Variants in GADL1 observed in about 807,000 individuals in gnomAD.
GADL1 encodes the protein acidic amino acid decarboxylase GADL1.
A neutral mutation model predicts 69.5 loss-of-function variants in GADL1; 71 were observed. The observed-to-expected ratio is 1.02, with a 90% confidence interval of 0.84 to 1.25. GADL1 has a LOEUF of 1.25. GADL1 is among the 50% of genes most tolerant of loss of function. GADL1 has a pLI of 0.00. For synonymous variants in GADL1, 254 were observed against 214.4 expected, an observed-to-expected ratio of 1.18 and a Z score of -1.62; for missense variants, 737 against 631.8, an observed-to-expected ratio of 1.17 and a Z score of -1.79.
At chr3:30,850,156 T>C (rs1162186921) in intron 5 of GADL1, 45 bp from the exon 6 acceptor site, 3 of 1,054,306 alleles carry the variant, frequency 2.8e-6, no homozygotes, top group Admixed American at 1.7e-5. Context: ...CATGAAGTTA[T>C]AGCTCGCAAA....
chr3:30,823,451 CTA>C (rs1239097758), intron 11 of GADL1, among the ~76,000 whole-genome samples: 3 of 151,966 alleles, frequency 2.0e-5, no homozygotes, highest in Non-Finnish European at 4.4e-5. Context: ...GAGGTACAGG[CTA>C]TACCCTGAAG....
rs34788058 is a variant in GADL1 at position 30,805,734 on chromosome 3, CTTTTT to C, written c.1051-4651_1051-4647del. On this transcript the variant is annotated intron_variant, in intron 11 of 14. Transcript: ENST00000282538. ...ATTCTGTGCACCAGCAGTCCCCAGC[CTTTTT>C]TTTTTTTTTTTTTTTTTTTGGGCAC... Among the ~76,000 whole-genome samples, 125 of 66,094 alleles carry C rather than the reference CTTTTT, an allele frequency of 1.9e-3. 1 individual carries two copies. Among genetic ancestry groups the C allele is most frequent in the Middle Eastern group, 0.013 (1 of 76 alleles). The allele number at this position is 66,094 out of a possible 152,430, so 43.4% of individuals were successfully genotyped here.
chr3:30,839,088 G>A lies in GADL1; in HGVS notation c.812C>T (p.Ala271Val), dbSNP rs918735464. 3.7e-6 allele frequency: 6 copies of A among 1,601,132 alleles called. No individual in the cohort carries two copies. In the African/African-American group the frequency reaches 4.0e-5, roughly 11 times the overall value. The change falls in exon 9 of 15, where the codon GCC becomes GTC. Residue 271 changes from alanine (A) to valine (V), a missense_variant. Transcript: ENST00000282538. ...KEGAAPFLVC[A>V]TSGTTVLGAF... ...TCCCAACACAGTTGTACCAGAAGTGGCACAGACAAGAAACGGTGCTGCCCC... is the reference window on the plus strand; with the variant it reads ...TCCCAACACAGTTGTACCAGAAGTGACACAGACAAGAAACGGTGCTGCCCC...
chr3:30,890,119 G>T (rs1033453957), intron 1 of GADL1, among the ~76,000 whole-genome samples: 6 of 152,068 alleles, frequency 3.9e-5, no homozygotes, highest in African/African-American at 1.4e-4. Context: ...TATGTAAATG[G>T]TTACTAATTT....
At chr3:30,819,933 C>A (rs72849863) in intron 11 of GADL1, among the ~76,000 whole-genome samples, 1 of 151,750 alleles carries the variant, frequency 6.6e-6, no homozygotes, top group Non-Finnish European at 1.5e-5. Flanking sequence ...GAATTATCTA[C>A]CCCAAAATTT....
chr3:30,741,139 TG>T (rs1695619939), intron 14 of GADL1, among the ~76,000 whole-genome samples: 1 of 89,462 alleles, frequency 1.1e-5, no homozygotes, highest in Non-Finnish European at 1.9e-5. Flanking sequence ...TATATATATA[TG>T]TGTGAGATAG....
intron 3 of GADL1, among the ~76,000 whole-genome samples, chr3:30,855,773 G>A (rs896387152): frequency 6.6e-6 from 1 of 151,702 alleles, no homozygotes; most frequent in Non-Finnish European, 1.5e-5. Flanking sequence ...GAGTATTTGG[G>A]AATCATTTAA....
At chr3:30,811,385 C>T (rs1237691583) in intron 11 of GADL1, among the ~76,000 whole-genome samples, 1 of 152,202 alleles carries the variant, frequency 6.6e-6, no homozygotes, top group Non-Finnish European at 1.5e-5. Flanking sequence ...GCAGAGATCA[C>T]TTGGCAATAC....
intron 14 of GADL1, among the ~76,000 whole-genome samples, chr3:30,768,607 C>T (rs1696344176): frequency 6.6e-6 from 1 of 151,558 alleles, no homozygotes; most frequent in African/African-American, 2.4e-5. Flanking sequence ...AGTGGCGAGA[C>T]TGGAGGTGCA....
At chr3:30,833,993 T>C (rs542884794) in intron 10 of GADL1, 59 bp from the exon 11 acceptor site, 12 of 1,150,610 alleles carry the variant, frequency 1.0e-5, no homozygotes, top group Admixed American at 1.7e-5. Context: ...CTACAGGCAA[T>C]GGAATACTAT....
chr3:30,804,660 C>T (rs985497318), intron 11 of GADL1, among the ~76,000 whole-genome samples: 4 of 152,168 alleles, frequency 2.6e-5, no homozygotes, highest in African/African-American at 9.7e-5. Context: ...TAGTCATTTT[C>T]CACCCACTGA....
chr3:30,762,142 A>C (rs1346641260), intron 14 of GADL1, among the ~76,000 whole-genome samples: 2 of 152,172 alleles, frequency 1.3e-5, no homozygotes, highest in Non-Finnish European at 2.9e-5. Flanking sequence ...AAGTCTTTAC[A>C]TAGTGGAATT....
At chr3:30,757,456 G>A (rs1382225939) in intron 14 of GADL1, among the ~76,000 whole-genome samples, 1 of 152,142 alleles carries the variant, frequency 6.6e-6, no homozygotes, top group African/African-American at 2.4e-5. Context: ...GACATGAAAG[G>A]GAAACCAGTT....
At chr3:30,864,413 G>A (rs1238865264) in intron 1 of GADL1, among the ~76,000 whole-genome samples, 1 of 151,572 alleles carries the variant, frequency 6.6e-6, no homozygotes, top group East Asian at 2.0e-4. Context: ...AATAAAAAAT[G>A]TCAACACCCA....
At chr3:30,855,161 A>T (rs1401806914) in intron 3 of GADL1, among the ~76,000 whole-genome samples, 1 of 152,096 alleles carries the variant, frequency 6.6e-6, no homozygotes, top group Non-Finnish European at 1.5e-5. Context: ...CATTCTAAAA[A>T]AATCCAAAAC....
In GADL1 at chr3:30,801,079, TAAG is replaced by T. The variant is rs779174053; in HGVS notation, c.1057_1059del (p.Leu353del). On this transcript the variant is annotated inframe_deletion, in exon 12 of 15. Coordinates refer to ENST00000282538, the MANE Select transcript of GADL1 (RefSeq NM_207359.3). Reference sequence around the variant, plus strand: ...GATGCCTTGGCAGAGTAGCATTTTTTAAGAAGATCCTTCGAAAAAGAAAAGATT... The same window carrying T: ...GATGCCTTGGCAGAGTAGCATTTTTTAAGATCCTTCGAAAAAGAAAAGATT... The T allele has an allele frequency of 4.4e-6, 7 of 1,608,472 alleles. No homozygotes were observed. The South Asian group carries it at 5.5e-5, about 13-fold the overall frequency.
intron 12 of GADL1, among the ~76,000 whole-genome samples, chr3:30,796,289 AT>A (rs1697030956): frequency 6.6e-6 from 1 of 152,190 alleles, no homozygotes; most frequent in Non-Finnish European, 1.5e-5. Flanking sequence ...GCTATAAATA[AT>A]TTATGGTAGA....
At position 30,779,560 on chromosome 3, in the gene GADL1, T is replaced by C. The variant is rs575450051; in HGVS notation, c.1303-1292A>G. 3.9e-5 allele frequency among the ~76,000 whole-genome samples: 6 copies of C among 152,358 alleles called. No homozygotes were observed. The South Asian group carries it at 8.3e-4, about 21-fold the overall frequency. On this transcript the variant is annotated intron_variant, in intron 13 of 14. Transcript: ENST00000282538. ...AATTTATACCTGGATCTCTGAAGTA[T>C]TGAAAGTAATGGCAAAAACCACAAT...
At position 30,802,117 on chromosome 3, in the gene GADL1, A is replaced by C. The variant is rs150414611; in HGVS notation, c.1051-1029T>G. 3.6e-3 allele frequency among the ~76,000 whole-genome samples: 549 copies of C among 152,218 alleles called. 4 individuals are homozygous for C. The highest frequency in any genetic ancestry group is 0.012 in the African/African-American group (504 of 41,534). ...TGCCCTGCTATCAGGTCCCATCTCA[A>C]CTTTTTCTTCCCCTTCAGCTTCATC... On this transcript the variant is annotated intron_variant, in intron 11 of 14. Transcript: ENST00000282538.
Sources: gnomAD v4.1 joint callset for allele counts (sites outside exome capture counted in the v4.1 genomes callset) on GRCh38, gnomAD v4.1.1 for gene constraint, MANE v1.5 for transcripts, NCBI Gene and HGNC (gene_info 2026-07-23, HGNC 2026-07-21) for gene names.